DPP10: variants seen among roughly 807,000 people sequenced by gnomAD.
The protein encoded by DPP10 is inactive dipeptidyl peptidase 10.
A neutral mutation model predicts 120.9 loss-of-function variants in DPP10; 33 were observed. The observed-to-expected ratio is 0.27, with a 90% confidence interval of 0.21 to 0.37. The LOEUF (loss-of-function observed/expected upper bound fraction) is 0.37. Among genes scored for constraint, DPP10 ranks in the 10% least tolerant of loss-of-function variants. DPP10 has a pLI of 1.00. For missense variants in DPP10, 816 were observed against 942.8 expected, an observed-to-expected ratio of 0.87 and a Z score of 1.76; for synonymous variants, 337 against 326.1, an observed-to-expected ratio of 1.03 and a Z score of -0.36.
intron 2 of DPP10, among the ~76,000 whole-genome samples, chr2:115,337,661 TAAAAAAAA>T (rs11458121): frequency 2.8e-5 from 2 of 71,684 alleles, no homozygotes; most frequent in Non-Finnish European, 5.0e-5. Flanking sequence ...AGGCTGCTCA[TAAAAAAAA>T]AAAAAAAAAA....
At chr2:115,045,796 G>T (rs992806558) in intron 1 of DPP10, among the ~76,000 whole-genome samples, 1 of 152,170 alleles carries the variant, frequency 6.6e-6, no homozygotes, top group African/African-American at 2.4e-5. Flanking sequence ...TGTGTGAATA[G>T]TTGTTCACTT....
Position 114,554,651 on chromosome 2 carries a change from A to T in DPP10, c.60+111813A>T, listed in dbSNP as rs534811511. ...AAGGTACATGTAGGGACAGTTTCTT[A>T]TAGAGAACACACTATCTAATAAGTG... On this transcript the variant is annotated intron_variant, in intron 1 of 25. Coordinates refer to ENST00000410059, the MANE Select transcript of DPP10 (RefSeq NM_020868.6). Among the ~76,000 whole-genome samples, 6 of 152,294 alleles carry T rather than the reference A, an allele frequency of 3.9e-5. 1 individual carries two copies. The highest frequency in any genetic ancestry group is 1.2e-4 in the African/African-American group (5 of 41,560).
chr2:115,825,614 C>T (rs538999999), intron 21 of DPP10, among the ~76,000 whole-genome samples: 1 of 152,292 alleles, frequency 6.6e-6, no homozygotes, highest in African/African-American at 2.4e-5. Flanking sequence ...CCAATTCAAA[C>T]CTTTCCTATT....
intron 1 of DPP10, among the ~76,000 whole-genome samples, chr2:114,734,914 T>C (rs1677270966): frequency 6.6e-6 from 1 of 152,164 alleles, no homozygotes; most frequent in Non-Finnish European, 1.5e-5. Flanking sequence ...AAGACCAAGG[T>C]GTTGGCAGGT....
chr2:115,199,810 A>C (rs927048638), intron 1 of DPP10, among the ~76,000 whole-genome samples: 1 of 152,188 alleles, frequency 6.6e-6, no homozygotes, highest in African/African-American at 2.4e-5. Context: ...TCTGGATTTC[A>C]TAAGGCATAA....
intron 8 of DPP10, among the ~76,000 whole-genome samples, chr2:115,738,383 C>T (rs1047379344): frequency 2.4e-4 from 37 of 152,114 alleles, no homozygotes; most frequent in African/African-American, 7.9e-4. Flanking sequence ...TCAGAAGAAC[C>T]ATGCGAACTT....
chr2:114,957,721 A>C (rs1698319110), intron 1 of DPP10, among the ~76,000 whole-genome samples: 1 of 152,260 alleles, frequency 6.6e-6, no homozygotes, highest in South Asian at 2.1e-4. Flanking sequence ...TGAATGGATA[A>C]AGAAAATGTA....
intron 1 of DPP10, among the ~76,000 whole-genome samples, chr2:114,760,165 G>A (rs1046941222): frequency 1.1e-4 from 16 of 152,110 alleles, no homozygotes; most frequent in African/African-American, 2.9e-4. Flanking sequence ...AGGCAGGTGC[G>A]TCCATCCCCC....
chr2:115,823,610 T>C (rs1688023912), intron 21 of DPP10, among the ~76,000 whole-genome samples: 1 of 152,184 alleles, frequency 6.6e-6, no homozygotes, highest in Non-Finnish European at 1.5e-5. Flanking sequence ...TATTTGGCTT[T>C]TGTGGATTTA....
At chr2:114,665,153 A>T (rs1697823885) in intron 1 of DPP10, among the ~76,000 whole-genome samples, 1 of 152,208 alleles carries the variant, frequency 6.6e-6, no homozygotes, top group South Asian at 2.1e-4. Context: ...ATGTATGCTG[A>T]AAAGTATATT....
At chr2:114,450,165 C>T (rs1341488753) in intron 1 of DPP10, among the ~76,000 whole-genome samples, 1 of 152,012 alleles carries the variant, frequency 6.6e-6, no homozygotes, top group Non-Finnish European at 1.5e-5. Context: ...AGACTTGATA[C>T]TTCCTTTGCC....
intron 3 of DPP10, among the ~76,000 whole-genome samples, chr2:115,451,211 T>C (rs2104968549): frequency 6.6e-6 from 1 of 152,002 alleles, no homozygotes; most frequent in East Asian, 1.9e-4. Context: ...AACCATTTGC[T>C]AAAAAGTTGA....
chr2:115,095,171 G>A (rs1464860692), intron 1 of DPP10, among the ~76,000 whole-genome samples: 7 of 152,158 alleles, frequency 4.6e-5, no homozygotes, highest in Non-Finnish European at 1.0e-4. Flanking sequence ...GTTTTATTAT[G>A]CCTTTGTCTC....
intron 1 of DPP10, among the ~76,000 whole-genome samples, chr2:114,449,572 T>C (rs1221489990): frequency 6.6e-6 from 1 of 152,108 alleles, no homozygotes; most frequent in Non-Finnish European, 1.5e-5. Context: ...TGGCTTTTTC[T>C]TTAGAGGGGC....
chr2:114,499,258 C>G (rs527901550), intron 1 of DPP10, among the ~76,000 whole-genome samples: 1 of 152,330 alleles, frequency 6.6e-6, no homozygotes, highest in African/African-American at 2.4e-5. Context: ...ATGCTCACTC[C>G]TCATGCATGT....
At chr2:114,795,888 A>G (rs191709119) in intron 1 of DPP10, among the ~76,000 whole-genome samples, 3 of 152,360 alleles carry the variant, frequency 2.0e-5, no homozygotes, top group African/African-American at 7.2e-5. Context: ...CAGACCATGC[A>G]TGGAACCATT....
chr2:115,568,176 C>T (rs1231947975), intron 5 of DPP10, among the ~76,000 whole-genome samples: 1 of 126,206 alleles, frequency 7.9e-6, no homozygotes, highest in African/African-American at 3.0e-5. Flanking sequence ...GAGACTCCGT[C>T]TCAAAAAAAA....
intron 1 of DPP10, among the ~76,000 whole-genome samples, chr2:114,910,430 A>G (rs1490573840): frequency 6.6e-6 from 1 of 152,036 alleles, no homozygotes; most frequent in African/African-American, 2.4e-5. Context: ...AAAAGATTTA[A>G]TTATAAAAAT....
intron 1 of DPP10, among the ~76,000 whole-genome samples, chr2:114,690,412 T>C (rs948739632): frequency 6.6e-6 from 1 of 152,062 alleles, no homozygotes; most frequent in Non-Finnish European, 1.5e-5. Flanking sequence ...GTCTTATTTC[T>C]GAGTTCTTCA....
Sources: allele counts gnomAD v4.1 joint callset (sites outside exome capture counted in the v4.1 genomes callset), GRCh38; gene constraint gnomAD v4.1.1; transcripts MANE v1.5; gene names NCBI Gene and HGNC (gene_info 2026-07-23, HGNC 2026-07-21).